The following CALN1 variants were observed in gnomAD, a reference collection of about 807,000 sequenced individuals.
CALN1 encodes calcium-binding protein 8.
In CALN1, 17 loss-of-function variants were observed where a neutral mutation model predicts 30.6. The ratio of observed to expected loss-of-function variants is 0.56; its 90% CI spans 0.38 to 0.83. The LOEUF (loss-of-function observed/expected upper bound fraction) is 0.83. Ranked by LOEUF, CALN1 falls within the 40% of genes least tolerant of loss-of-function variation. The pLI is 0.00. For synonymous variants in CALN1, 156 were observed against 131.4 expected, an observed-to-expected ratio of 1.19 and a Z score of -1.28; for missense variants, 291 against 354.9, an observed-to-expected ratio of 0.82 and a Z score of 1.45.
At chr7:72,343,854 G>A (rs2944816) in intron 2 of CALN1, among the ~76,000 whole-genome samples, 145,385 of 152,150 alleles carry the variant, frequency 0.96, 69,666 homozygotes, top group East Asian at 1. Flanking sequence ...AATCTAGGGC[G>A]GTAAAATCTG....
chr7:71,902,266 AATC>A (rs749004168), intron 5 of CALN1, among the ~76,000 whole-genome samples: 165 of 68,978 alleles, frequency 2.4e-3, no homozygotes, highest in African/African-American at 0.012. Flanking sequence ...CCAACCAACC[AATC>A]AAAAAAAAAA....
At chr7:72,141,217 G>C (rs1340960810) in intron 3 of CALN1, among the ~76,000 whole-genome samples, 2 of 152,108 alleles carry the variant, frequency 1.3e-5, no homozygotes, top group Admixed American at 6.6e-5. Context: ...AGCATCACTT[G>C]AGCCCAGGAG....
At chr7:72,271,430 T>C (rs1796962558) in intron 3 of CALN1, among the ~76,000 whole-genome samples, 1 of 151,316 alleles carries the variant, frequency 6.6e-6, no homozygotes, top group Admixed American at 6.6e-5. Context: ...TTCTTTTTGT[T>C]TTCTTTTTTC....
At chr7:72,300,327 C>CT (rs375993627) in intron 2 of CALN1, among the ~76,000 whole-genome samples, 137 of 151,382 alleles carry the variant, frequency 9.0e-4, no homozygotes, top group African/African-American at 3.2e-3. Flanking sequence ...CCCTGTAACT[C>CT]TATTTTTTTT....
chr7:71,958,283 T>C (rs1210934371), intron 5 of CALN1, among the ~76,000 whole-genome samples: 1 of 152,102 alleles, frequency 6.6e-6, no homozygotes, highest in African/African-American at 2.4e-5. Context: ...GTATCTACTG[T>C]TCCCCTCTGT....
chr7:72,129,137 C>G lies in CALN1; in HGVS notation c.245-22843G>C, dbSNP rs1429144777. ...ATATAACACCAAGTTCAGCCCAACT[C>G]ATAATCAGAGAAATGCAAATTAAAA... is the stretch of plus-strand genomic sequence containing the variant. On this transcript the variant is annotated intron_variant, in intron 3 of 6. Coordinates refer to ENST00000395275, the MANE Select transcript of CALN1 (RefSeq NM_031468.4). Among the ~76,000 whole-genome samples, 3 of 152,146 alleles carry G rather than the reference C, an allele frequency of 2.0e-5. No homozygotes were observed. The East Asian group carries it at 5.8e-4, about 29-fold the overall frequency.
At chr7:72,069,788 C>T (rs944994972) in intron 4 of CALN1, among the ~76,000 whole-genome samples, 1 of 152,186 alleles carries the variant, frequency 6.6e-6, no homozygotes, top group Non-Finnish European at 1.5e-5. Flanking sequence ...CATACCCCTA[C>T]CCAATCTCCC....
chr7:71,809,494 A>G (rs1584266309), intron 6 of CALN1, among the ~76,000 whole-genome samples: 1 of 145,354 alleles, frequency 6.9e-6, no homozygotes, highest in East Asian at 2.1e-4. Flanking sequence ...GAAAAGAAAA[A>G]AAATTTGACC....
chr7:71,930,778 C>G (rs1252256909), intron 5 of CALN1, among the ~76,000 whole-genome samples: 1 of 152,218 alleles, frequency 6.6e-6, no homozygotes, highest in Admixed American at 6.5e-5. Context: ...GTTCCAGAAA[C>G]TCTTCTGCGC....
chr7:72,035,323 C>T (rs1048014329), intron 4 of CALN1, among the ~76,000 whole-genome samples: 9 of 152,080 alleles, frequency 5.9e-5, no homozygotes, highest in Non-Finnish European at 7.4e-5. Context: ...TACTTTCTCT[C>T]GGATTTTGAC....
intron 2 of CALN1, among the ~76,000 whole-genome samples, chr7:72,334,723 G>C (rs753238880): frequency 3.9e-5 from 6 of 152,204 alleles, no homozygotes; most frequent in Non-Finnish European, 8.8e-5. Flanking sequence ...ATTCTAAGAG[G>C]ATTTAGCTCT....
chr7:71,984,908 G>A (rs1249144153), intron 5 of CALN1, among the ~76,000 whole-genome samples: 1 of 152,042 alleles, frequency 6.6e-6, no homozygotes, highest in Admixed American at 6.6e-5. Context: ...ATTCATTACT[G>A]CCCAGATTCT....
At chr7:71,871,887 T>C (rs1791953665) in intron 5 of CALN1, among the ~76,000 whole-genome samples, 1 of 152,144 alleles carries the variant, frequency 6.6e-6, no homozygotes, top group Non-Finnish European at 1.5e-5. Context: ...TTTACCATAA[T>C]ATATTTCATC....
At chr7:72,311,124 C>CTCT (rs1050724141) in intron 2 of CALN1, among the ~76,000 whole-genome samples, 1 of 152,038 alleles carries the variant, frequency 6.6e-6, no homozygotes, top group African/African-American at 2.4e-5. Context: ...CCTCCTCCTC[C>CTCT]TCTTCAGTCT....
intron 4 of CALN1, among the ~76,000 whole-genome samples, chr7:72,087,015 A>G (rs1313661072): frequency 6.6e-6 from 1 of 152,176 alleles, no homozygotes; most frequent in African/African-American, 2.4e-5. Context: ...CTTAAAAAGA[A>G]AAAAAGGGTA....
chr7:72,144,163 TAAAAG>T (rs1192916163), intron 3 of CALN1, among the ~76,000 whole-genome samples: 1 of 152,118 alleles, frequency 6.6e-6, no homozygotes, highest in Non-Finnish European at 1.5e-5. Flanking sequence ...ATGCTCCAAT[TAAAAG>T]ACACAGACTG....
chr7:72,385,666 T>G (rs541720484), intron 2 of CALN1, among the ~76,000 whole-genome samples: 1 of 152,198 alleles, frequency 6.6e-6, no homozygotes, highest in South Asian at 2.1e-4. Flanking sequence ...AGGGAGTAAC[T>G]TGGTGGTGAT....
At chr7:72,137,752 T>C (rs1164027565) in intron 3 of CALN1, among the ~76,000 whole-genome samples, 1 of 152,232 alleles carries the variant, frequency 6.6e-6, no homozygotes, top group African/African-American at 2.4e-5. Context: ...ATAGTATGCT[T>C]ATGCTGTAGC....
At position 72,008,398 on chromosome 7, in the gene CALN1, T is replaced by G. The variant is rs368159850; in HGVS notation, c.501+15259A>C. On this transcript the variant is annotated intron_variant, in intron 5 of 6. Coordinates refer to ENST00000395275, the MANE Select transcript of CALN1 (RefSeq NM_031468.4). ...GGTAAAGCTATACGAAGAAGAAAAT[T>G]TATATCTAAATTATTTCATTAATAA... Among the ~76,000 whole-genome samples, 4 of 151,726 alleles carry G rather than the reference T, an allele frequency of 2.6e-5. No individual in the cohort carries two copies. The East Asian group carries it at 5.8e-4, about 22-fold the overall frequency.
Sources: gnomAD v4.1 joint callset for allele counts (sites outside exome capture counted in the v4.1 genomes callset) on GRCh38, gnomAD v4.1.1 for gene constraint, MANE v1.5 for transcripts, NCBI Gene and HGNC (gene_info 2026-07-23, HGNC 2026-07-21) for gene names.